COPE: variants seen among roughly 807,000 people sequenced by gnomAD.
COPE encodes coatomer subunit epsilon.
In COPE, 19 loss-of-function variants were observed where a neutral mutation model predicts 42.1. The ratio of observed to expected loss-of-function variants is 0.45; its 90% CI spans 0.31 to 0.66. The LOEUF is 0.66. Ranked by LOEUF, COPE falls within the 30% of genes least tolerant of loss-of-function variation. The probability of loss-of-function intolerance (pLI) is 0.05; values close to 1 mark genes in which losing one functional copy is unlikely to be tolerated. For synonymous variants in COPE, 195 were observed against 181.3 expected (o/e 1.08, Z -0.60); for missense variants, 402 against 416.1 (o/e 0.97, Z 0.30).
chr19:18,907,473 C>A (rs889781582), intron 3 of COPE, among the ~76,000 whole-genome samples: 1 of 152,210 alleles, frequency 6.6e-6, no homozygotes, highest in Admixed American at 6.5e-5. Flanking sequence ...AAGGCCACGT[C>A]TTCTAGCAGG....
At chr19:18,903,473 T>TC in intron 6 of COPE, 50 bp from the exon 7 acceptor site, 1 of 1,541,474 alleles carries the variant, frequency 6.5e-7, no homozygotes, top group Middle Eastern at 1.8e-4. Flanking sequence ...GCCCGGCCCT[T>TC]CCCCCGCCAG....
At chr19:18,901,009 G>A (rs2056693634) in intron 7 of COPE, among the ~76,000 whole-genome samples, 1 of 152,246 alleles carries the variant, frequency 6.6e-6, no homozygotes, top group Non-Finnish European at 1.5e-5. Context: ...GCCCATGGCA[G>A]GGCACCTTTT....
intron 7 of COPE, among the ~76,000 whole-genome samples, chr19:18,901,735 A>C (rs1000229723): frequency 6.6e-6 from 1 of 152,256 alleles, no homozygotes; most frequent in African/African-American, 2.4e-5. Flanking sequence ...GTTCAAGACT[A>C]ACCTGGACAA....
chr19:18,900,139 G>A (rs60888868), intron 8 of COPE, 192 bp from the exon 9 acceptor site: 11,593 of 625,690 alleles, frequency 0.019, 805 homozygotes, highest in African/African-American at 0.17. Flanking sequence ...CTGGAGAGGC[G>A]CTGGCATGGA....
At chr19:18,919,091 A>G in intron 1 of COPE, 132 bp downstream of exon 1, 1 of 856,016 alleles carries the variant, frequency 1.2e-6, no homozygotes, top group Non-Finnish European at 1.8e-6. Flanking sequence ...TCCTCACTGA[A>G]CTGTGGAAGA....
At chr19:18,918,193 A>G (rs1343216753) in intron 1 of COPE, among the ~76,000 whole-genome samples, 2 of 148,950 alleles carry the variant, frequency 1.3e-5, no homozygotes, top group Non-Finnish European at 3.0e-5. Context: ...ATCTCAAAAA[A>G]AAAAAAAAAA....
rs777733336 is a variant in COPE, at chr19:18,919,338, G to A, written c.11C>T (p.Pro4Leu). ...GCCGCCGGAGGCCGGGCCGGGGGCC[G>A]GAGGCGCCATTTCGCTGTCTTCTCA... MAPPAPGPASGGSG... is the reference protein window; with the variant it reads MAPLAPGPASGGSG... The change falls in exon 1 of 10, where the codon CCG becomes CTG. Residue 4 changes from proline (P) to leucine (L), a missense_variant. Physicochemically the swap from Pro to Leu is moderately conservative, Grantham distance 98 (BLOSUM62 -3). Coordinates refer to ENST00000262812, the MANE Select transcript of COPE (RefSeq NM_007263.4). 1.4e-5 allele frequency: 22 copies of A among 1,613,558 alleles called. 1 individual carries two copies. Among genetic ancestry groups the A allele is most frequent in the Non-Finnish European group, 1.7e-5 (20 of 1,180,002 alleles).
Position 18,911,052 on chromosome 19 carries a change from A to T in COPE, c.209T>A (p.Leu70Gln). 6.2e-7 allele frequency: 1 copy of T among 1,613,988 alleles called. No individual in the cohort carries two copies. Among genetic ancestry groups the T allele is most frequent in the Non-Finnish European group, 8.5e-7 (1 of 1,179,988 alleles). Residue 70 changes from leucine (L) to glutamine (Q), a missense_variant, in exon 3 of 10, where the codon CTG becomes CAG. Coordinates refer to ENST00000262812, the MANE Select transcript of COPE (RefSeq NM_007263.4). ...YLAQRKFGVV[L>Q]DEIKPSSAPE... ...GGCCGAGGAGGGCTTGATCTCATCC[A>T]GGACCACACCGAACTTCCTCTGCAG...
chr19:18,912,830 G>A (rs2056822677), intron 2 of COPE, among the ~76,000 whole-genome samples, 154 bp downstream of exon 2: 1 of 151,836 alleles, frequency 6.6e-6, no homozygotes, highest in African/African-American at 2.4e-5. Flanking sequence ...TTCACATGCT[G>A]GCTGCGCTGG....
intron 1 of COPE, among the ~76,000 whole-genome samples, chr19:18,916,190 C>CA (rs200365409): frequency 0.015 from 2,107 of 143,972 alleles, 45 homozygotes; most frequent in African/African-American, 0.046. Context: ...ATCTCAAAAA[C>CA]AAAAAAACAA....
chr19:18,902,773 G>GGAAGGAAAGGAAGGAAAGGAAGGAAGGA (rs1568314850), intron 7 of COPE, among the ~76,000 whole-genome samples: 1 of 7,630 alleles, frequency 1.3e-4, no homozygotes, highest in Non-Finnish European at 2.6e-4. Context: ...GGAAGGGAAA[G>GGAAGGAAAGGAAGGAAAGGAAGGAAGGA]AAGGAAGGAA....
Position 18,915,683 on chromosome 19 carries a change from T to C in COPE, c.127-2637A>G, listed in dbSNP as rs116840614. ...GGCCATGGTTGAGGAATCAGGGTAC[T>C]GTTTGGGAAGGCGGGTGACAGGATG... On this transcript the variant is annotated intron_variant, in intron 1 of 9. Transcript: ENST00000262812. 8.0e-3 allele frequency among the ~76,000 whole-genome samples: 1,225 copies of C among 152,328 alleles called. 12 individuals are homozygous for C. The highest frequency in any genetic ancestry group is 0.028 in the African/African-American group (1,183 of 41,570).
chr19:18,900,697 T>A (rs1241168496), intron 7 of COPE, among the ~76,000 whole-genome samples: 2 of 152,114 alleles, frequency 1.3e-5, no homozygotes. Flanking sequence ...TTACAGAGAC[T>A]TGGGAAGGTT....
chr19:18,900,164 A>G (rs914281948), intron 8 of COPE, among the ~76,000 whole-genome samples: 1 of 151,688 alleles, frequency 6.6e-6, no homozygotes, highest in African/African-American at 2.4e-5. Flanking sequence ...GCCTCCGTAC[A>G]TGGTGGGGGA....
chr19:18,918,557 C>G (rs115662619), intron 1 of COPE, among the ~76,000 whole-genome samples: 1 of 152,096 alleles, frequency 6.6e-6, no homozygotes, highest in Non-Finnish European at 1.5e-5. Flanking sequence ...CCTGTCTCAG[C>G]CTCCCGGTAG....
intron 4 of COPE, chr19:18,906,646 C>T (rs905251931): frequency 1.5e-5 from 4 of 263,124 alleles, no homozygotes; most frequent in East Asian, 8.1e-5. Flanking sequence ...GGCCCAGGGC[C>T]GAGACACAGA....
At chr19:18,914,889 C>A (rs367732939) in intron 1 of COPE, among the ~76,000 whole-genome samples, 1 of 150,912 alleles carries the variant, frequency 6.6e-6, no homozygotes, top group Non-Finnish European at 1.5e-5. Flanking sequence ...CCCGAGTAGC[C>A]GCGACTATAT....
chr19:18,909,921 C>T (rs551362433), intron 3 of COPE, among the ~76,000 whole-genome samples: 2 of 152,244 alleles, frequency 1.3e-5, no homozygotes, highest in African/African-American at 4.8e-5. Flanking sequence ...GACCCTTTTT[C>T]CAAATGATAT....
chr19:18,906,776 G>T, intron 4 of COPE, 184 bp downstream of exon 4: 1 of 627,308 alleles, frequency 1.6e-6, no homozygotes, highest in Non-Finnish European at 2.6e-6. Context: ...AGCCTGGTGC[G>T]CAGATGGGAG....
Sources: gnomAD v4.1 joint callset for allele counts (sites outside exome capture counted in the v4.1 genomes callset) on GRCh38, gnomAD v4.1.1 for gene constraint, MANE v1.5 for transcripts, NCBI Gene and HGNC (gene_info 2026-07-23, HGNC 2026-07-21) for gene names.